ABTB3: variants seen among roughly 807,000 people sequenced by gnomAD.
ABTB3 encodes the protein ankyrin repeat and BTB domain containing 3, also known as ankyrin repeat- and BTB/POZ domain-containing protein 3.
chr12:107,593,299 G>A, the ABTB3 span, among the ~76,000 whole-genome samples: 1 of 152,182 alleles, frequency 6.6e-6, no homozygotes, highest in Admixed American at 6.5e-5. Context: ...GGTCCTCAAA[G>A]CCTAACATAC....
chr12:107,651,805 C>A, the ABTB3 span: 1 of 1,597,710 alleles, frequency 6.3e-7, no homozygotes, highest in South Asian at 1.1e-5. Context: ...ATCTCATTCT[C>A]GCGCAGTGCG....
the ABTB3 span, among the ~76,000 whole-genome samples, chr12:107,389,799 G>A: frequency 2.6e-5 from 4 of 150,992 alleles, no homozygotes; most frequent in African/African-American, 9.8e-5. Context: ...GGTGGAAGAT[G>A]GTTGCAAGTG....
chr12:107,319,098 C>G, the ABTB3 span: 3 of 1,609,378 alleles, frequency 1.9e-6, no homozygotes, highest in Non-Finnish European at 2.5e-6. Context: ...AGCTGCTGGC[C>G]GCCTCTAGCT....
At chr12:107,535,761 C>T in the ABTB3 span, among the ~76,000 whole-genome samples, 1 of 151,870 alleles carries the variant, frequency 6.6e-6, no homozygotes, top group Non-Finnish European at 1.5e-5. Flanking sequence ...AAGAATTGAA[C>T]ACAGAAAATG....
the ABTB3 span, among the ~76,000 whole-genome samples, chr12:107,367,693 C>T: frequency 6.6e-6 from 1 of 151,912 alleles, no homozygotes; most frequent in African/African-American, 2.4e-5. Context: ...TTAGTAGAGA[C>T]GGGATTTTAC....
the ABTB3 span, among the ~76,000 whole-genome samples, chr12:107,655,157 T>C: frequency 2.0e-5 from 3 of 152,104 alleles, no homozygotes; most frequent in African/African-American, 7.2e-5. Context: ...GCAGCTTCTG[T>C]AGCATATCTC....
the ABTB3 span, among the ~76,000 whole-genome samples, chr12:107,470,000 CTT>C: frequency 3.5e-3 from 332 of 96,178 alleles, 21 homozygotes; most frequent in Middle Eastern, 9.2e-3. Context: ...TTCTTTCTTT[CTT>C]TCTTTCTTTC....
At chr12:107,576,968 C>T in the ABTB3 span, among the ~76,000 whole-genome samples, 2 of 152,204 alleles carry the variant, frequency 1.3e-5, no homozygotes, top group African/African-American at 4.8e-5. Flanking sequence ...ACACTAGGTA[C>T]TTCCTAAGGC....
At chr12:107,387,429 G>A in the ABTB3 span, among the ~76,000 whole-genome samples, 1 of 152,180 alleles carries the variant, frequency 6.6e-6, no homozygotes, top group Non-Finnish European at 1.5e-5. Flanking sequence ...TTGAGGGACT[G>A]CTATGTGTCA....
At chr12:107,623,817 A>T in the ABTB3 span, among the ~76,000 whole-genome samples, 2 of 152,198 alleles carry the variant, frequency 1.3e-5, no homozygotes, top group Non-Finnish European at 2.9e-5. Context: ...AAAATAAATA[A>T]ACGAAACAGA....
At chr12:107,364,104 A>G in the ABTB3 span, among the ~76,000 whole-genome samples, 9,656 of 152,064 alleles carry the variant, frequency 0.063, 365 homozygotes, top group Middle Eastern at 0.12. Flanking sequence ...TGTACTTGTC[A>G]CTCATGCAGA....
At chr12:107,602,445 TAGG>T in the ABTB3 span, among the ~76,000 whole-genome samples, 1 of 152,262 alleles carries the variant, frequency 6.6e-6, no homozygotes, top group Non-Finnish European at 1.5e-5. Context: ...ATGATTATCA[TAGG>T]AGATCTCTGA....
chr12:107,622,512 C>T, the ABTB3 span, among the ~76,000 whole-genome samples: 154 of 152,198 alleles, frequency 1.0e-3, 1 homozygote, highest in African/African-American at 3.6e-3. Context: ...AACAAGGTCT[C>T]GCTCTGTCGC....
chr12:107,451,403 A>G, the ABTB3 span, among the ~76,000 whole-genome samples: 1 of 152,322 alleles, frequency 6.6e-6, no homozygotes, highest in African/African-American at 2.4e-5. Context: ...CGCAGTACTG[A>G]GCCCTCCAGA....
the ABTB3 span, among the ~76,000 whole-genome samples, chr12:107,371,563 G>T: frequency 4.6e-5 from 7 of 152,140 alleles, no homozygotes; most frequent in Non-Finnish European, 7.4e-5. Context: ...CAGAGGATTC[G>T]TTGCTTTTCC....
chr12:107,318,705 A>T, the ABTB3 span: 7 of 488,460 alleles, frequency 1.4e-5, no homozygotes, highest in Non-Finnish European at 2.5e-5. Context: ...CTCGCTCCCC[A>T]TTGCGCCCAG....
chr12:107,639,220 C>A, the ABTB3 span, among the ~76,000 whole-genome samples: 737 of 152,322 alleles, frequency 4.8e-3, 6 homozygotes, highest in African/African-American at 0.016. Flanking sequence ...ATTGCTCAAG[C>A]ACACACACAG....
the ABTB3 span, among the ~76,000 whole-genome samples, chr12:107,362,351 T>G: frequency 6.6e-6 from 1 of 152,212 alleles, no homozygotes; most frequent in Non-Finnish European, 1.5e-5. Context: ...CCTGCCAGCT[T>G]CTCTTCCCAA....
At chr12:107,389,936 G>A in the ABTB3 span, among the ~76,000 whole-genome samples, 4 of 151,606 alleles carry the variant, frequency 2.6e-5, no homozygotes, top group South Asian at 2.1e-4. Context: ...TCTTCCCAAA[G>A]CCTTTCCATG....
Sources: gnomAD v4.1 joint callset for allele counts (sites outside exome capture counted in the v4.1 genomes callset) on GRCh38, gnomAD v4.1.1 for gene constraint, MANE v1.5 for transcripts, NCBI Gene and HGNC (gene_info 2026-07-23, HGNC 2026-07-21) for gene names.